GPBP1: variants seen among roughly 807,000 people sequenced by gnomAD.
GPBP1 encodes the protein vasculin.
A neutral mutation model predicts 56.5 loss-of-function variants in GPBP1; 13 were observed. That is an observed-to-expected ratio of 0.23 (90% CI 0.15 to 0.37). GPBP1 has a LOEUF of 0.37. Among genes scored for constraint, GPBP1 ranks in the 10% least tolerant of loss-of-function variants. The pLI, the probability that GPBP1 is intolerant of heterozygous loss-of-function variation, is 1.00. For missense variants in GPBP1, 477 were observed against 572.3 expected (o/e 0.83, Z 1.70); for synonymous variants, 204 against 188.9 (o/e 1.08, Z -0.66).
At chr5:57,186,714 T>G (rs943810596) in intron 2 of GPBP1, among the ~76,000 whole-genome samples, 2 of 152,168 alleles carry the variant, frequency 1.3e-5, no homozygotes, top group African/African-American at 4.8e-5. Context: ...ACTACAGGTA[T>G]GTGCCACCAC....
At chr5:57,177,904 C>T (rs771974950) in intron 2 of GPBP1, among the ~76,000 whole-genome samples, 5 of 151,918 alleles carry the variant, frequency 3.3e-5, no homozygotes, top group Non-Finnish European at 7.4e-5. Flanking sequence ...TTGAATCCTG[C>T]TAGCTCCCAT....
chr5:57,207,953 A>G (rs2111732332), intron 2 of GPBP1, among the ~76,000 whole-genome samples: 1 of 152,048 alleles, frequency 6.6e-6, no homozygotes, highest in East Asian at 1.9e-4. Flanking sequence ...ACGTCCAGCC[A>G]CTTGTGTCTC....
intron 2 of GPBP1, among the ~76,000 whole-genome samples, chr5:57,190,227 TG>T (rs1754461297): frequency 6.6e-6 from 1 of 151,456 alleles, no homozygotes; most frequent in Admixed American, 6.8e-5. Context: ...TTTAACTGCT[TG>T]GGGACTAGGT....
At chr5:57,187,275 A>G (rs1754332848) in intron 2 of GPBP1, among the ~76,000 whole-genome samples, 1 of 152,142 alleles carries the variant, frequency 6.6e-6, no homozygotes. Context: ...GAAATGTTAG[A>G]TATCTAATTC....
intron 11 of GPBP1, among the ~76,000 whole-genome samples, chr5:57,261,525 C>CCACTG (rs1741892300): frequency 1.3e-5 from 2 of 152,218 alleles, no homozygotes; most frequent in South Asian, 4.1e-4. Flanking sequence ...CAGGCAGGAA[C>CCACTG]CACTGCACCT....
At chr5:57,246,228 T>G (rs1306739976) in intron 6 of GPBP1, 72 bp from the exon 7 acceptor site, 1 of 1,260,150 alleles carries the variant, frequency 7.9e-7, no homozygotes, top group African/African-American at 1.5e-5. Context: ...AATATACTGT[T>G]CTTTTGGTGG....
intron 2 of GPBP1, among the ~76,000 whole-genome samples, chr5:57,208,735 C>T (rs1436724349): frequency 2.7e-5 from 4 of 149,952 alleles, no homozygotes; most frequent in African/African-American, 7.4e-5. Context: ...CGGCTCACTG[C>T]AACCTCTGCC....
chr5:57,231,084 A>G lies in GPBP1; in HGVS notation c.188-14A>G, dbSNP rs774297554. 5.5e-5 allele frequency: 88 copies of G among 1,604,842 alleles called. 1 individual carries two copies. Among genetic ancestry groups the G allele is most frequent in the Middle Eastern group, 1.7e-4 (1 of 6,056 alleles). On this transcript the variant is annotated splice_polypyrimidine_tract_variant and intron_variant, in intron 4 of 11. Transcript: ENST00000506184. ...TTCTTTGAATTTATATTACTTTGCT[A>G]TTATCAAATAAAGGTAACTTTGGAA...
chr5:57,221,419 T>C (rs1755954185), intron 3 of GPBP1: 1 of 1,452,826 alleles, frequency 6.9e-7, no homozygotes, highest in Non-Finnish European at 9.4e-7. Flanking sequence ...GAAAGAATAT[T>C]GAACAGATAT....
chr5:57,258,507 A>G (rs1247610914), intron 10 of GPBP1, among the ~76,000 whole-genome samples: 1 of 152,258 alleles, frequency 6.6e-6, no homozygotes, highest in Non-Finnish European at 1.5e-5. Context: ...CTAAACATAT[A>G]CAAAGGTACA....
rs1754406882 is a variant in GPBP1, at chr5:57,188,980, T to TCTG, written c.-58+12580_-58+12581insCTG. 3.3e-5 allele frequency among the ~76,000 whole-genome samples: 5 copies of TCTG among 152,096 alleles called. No homozygotes were observed. The South Asian group carries it at 6.2e-4, about 19-fold the overall frequency. On this transcript the variant is annotated intron_variant, in intron 2 of 11. Coordinates refer to ENST00000506184, the MANE Select transcript of GPBP1 (RefSeq NM_022913.4). ...TGCTACTAGACTTGTACAAGCCTCT[T>TCTG]TCTGTCTGTCTGTCTGTCTGTCTTT...
intron 3 of GPBP1, among the ~76,000 whole-genome samples, chr5:57,229,142 A>T (rs1365351407): frequency 6.7e-6 from 1 of 149,354 alleles, no homozygotes; most frequent in African/African-American, 2.5e-5. Flanking sequence ...GAGGCAGGAG[A>T]ATCGCTGGAA....
chr5:57,205,447 T>C (rs1277213027), intron 2 of GPBP1, among the ~76,000 whole-genome samples: 1 of 152,210 alleles, frequency 6.6e-6, no homozygotes, highest in East Asian at 1.9e-4. Context: ...ATGGTATTTC[T>C]GAGTCATGTG....
intron 2 of GPBP1, among the ~76,000 whole-genome samples, chr5:57,200,172 CTCTTTCCTT>C (rs914867565): frequency 7.2e-6 from 1 of 138,920 alleles, no homozygotes; most frequent in Non-Finnish European, 1.5e-5. Flanking sequence ...TTTCCTTCCT[CTCTTTCCTT>C]TTCTTTCTTT....
chr5:57,222,932 G>T (rs1756015359), intron 3 of GPBP1, among the ~76,000 whole-genome samples: 1 of 152,040 alleles, frequency 6.6e-6, no homozygotes, highest in Admixed American at 6.6e-5. Context: ...AATGACGATG[G>T]AGCATATTTT....
At chr5:57,246,594 G>T in intron 7 of GPBP1, 110 bp downstream of exon 7, 3 of 822,228 alleles carry the variant, frequency 3.6e-6, no homozygotes, top group Non-Finnish European at 3.7e-6. Context: ...TTCGTGGGGT[G>T]CTGAGTTCTA....
intron 2 of GPBP1, among the ~76,000 whole-genome samples, chr5:57,207,772 CAG>C (rs2111731455): frequency 6.6e-6 from 1 of 152,230 alleles, no homozygotes; most frequent in South Asian, 2.1e-4. Context: ...TCCTGCAGCT[CAG>C]TGACCTGGGC....
intron 2 of GPBP1, among the ~76,000 whole-genome samples, chr5:57,183,410 C>T (rs1754147369): frequency 6.6e-6 from 1 of 152,112 alleles, no homozygotes; most frequent in Non-Finnish European, 1.5e-5. Context: ...ATATGTACAA[C>T]TCTTAAGTTA....
At chr5:57,231,381 C>T in intron 5 of GPBP1, 60 bp downstream of exon 5, 2 of 1,355,936 alleles carry the variant, frequency 1.5e-6, no homozygotes, top group South Asian at 1.3e-5. Context: ...TTAAGTGATT[C>T]TCCTGCCTCA....
Sources: allele counts gnomAD v4.1 joint callset (sites outside exome capture counted in the v4.1 genomes callset), GRCh38; gene constraint gnomAD v4.1.1; transcripts MANE v1.5; gene names NCBI Gene and HGNC (gene_info 2026-07-23, HGNC 2026-07-21).